XIAP: variants seen among roughly 807,000 people sequenced by gnomAD.
The protein encoded by XIAP is X-linked inhibitor of apoptosis.
Under a neutral mutation model 33.1 loss-of-function variants are expected in XIAP, and 3 were observed. The ratio of observed to expected loss-of-function variants is 0.09; its 90% confidence interval spans 0.04 to 0.23. The LOEUF (loss-of-function observed/expected upper bound fraction) is 0.23. Ranked by LOEUF, XIAP falls within the 10% of genes least tolerant of loss-of-function variation. The probability of loss-of-function intolerance (pLI) is 1.00; values close to 1 mark genes in which losing one functional copy is unlikely to be tolerated. For synonymous variants in XIAP, 98 were observed against 121.3 expected (o/e 0.81, Z 1.26); for missense variants, 264 against 363.0 (o/e 0.73, Z 2.22).
chrX:123,864,818 T>TGTGTG (rs2053118361), intron 1 of XIAP, among the ~76,000 whole-genome samples: 1 of 54,476 alleles, frequency 1.8e-5, no homozygotes, highest in Non-Finnish European at 3.2e-5. Flanking sequence ...GTGTGTGTGT[T>TGTGTG]TTAGTAAAGA....
At chrX:123,903,643 GTT>G (rs1158342686) in intron 6 of XIAP, among the ~76,000 whole-genome samples, 1 of 38,422 alleles carries the variant, frequency 2.6e-5, no homozygotes, top group African/African-American at 1.0e-4. Flanking sequence ...TTTGTTTTTT[GTT>G]TTTTTTAGAT....
At chrX:123,872,805 A>G (rs2053206607) in intron 1 of XIAP, 2 of 111,557 alleles carry the variant, frequency 1.8e-5, no homozygotes, top group Middle Eastern at 4.6e-3. Context: ...TTTCTGGCCA[A>G]CCACCATGGA....
intron 1 of XIAP, among the ~76,000 whole-genome samples, chrX:123,868,772 A>C (rs761399982): frequency 3.6e-5 from 4 of 111,819 alleles, no homozygotes; most frequent in African/African-American, 9.7e-5. Flanking sequence ...TTTATGGATT[A>C]TATATTTTAT....
chrX:123,893,289 G>A (rs898184927), intron 5 of XIAP, among the ~76,000 whole-genome samples: 4 of 108,482 alleles, frequency 3.7e-5, no homozygotes, highest in Non-Finnish European at 5.7e-5. Flanking sequence ...GGAGACCGAG[G>A]CAGGCCAATC....
chrX:123,880,174 A>AGGCCGAG (rs779265293), intron 1 of XIAP, among the ~76,000 whole-genome samples: 1,224 of 109,647 alleles, frequency 0.011, 6 homozygotes, highest in Non-Finnish European at 0.017. Flanking sequence ...GCACTTTGGG[A>AGGCCGAG]GGCCGAGGCG....
In XIAP at chrX:123,909,533, TTA is replaced by T; in HGVS notation, c.*2353_*2354del. 1 of 327,079 alleles carries T rather than the reference TTA, an allele frequency of 3.1e-6. No homozygotes were observed. 27.0% of individuals were successfully genotyped at this position (327,079 alleles called of 1,213,427 possible). ...CAAGGGGAGAAAAGTGTTAAAATTT[TTA>T]AAATATGTTTTCCAGGACACTTCAC... On this transcript the variant is annotated 3_prime_UTR_variant, in exon 7 of 7. Transcript: ENST00000371199.
At position 123,863,572 on chromosome X, in the gene XIAP, C is replaced by T. The variant is rs182034312; in HGVS notation, c.-33+3279C>T. 1.9e-3 allele frequency among the ~76,000 whole-genome samples: 211 copies of T among 111,448 alleles called. 1 individual carries two copies. Among genetic ancestry groups the T allele is most frequent in the Non-Finnish European group, 2.9e-3 (156 of 53,011 alleles). On this transcript the variant is annotated intron_variant, in intron 1 of 6. Coordinates refer to ENST00000371199, the MANE Select transcript of XIAP (RefSeq NM_001167.4). ...TTGCCCAGGCTGGAGTGCAATGGTG[C>T]GATCTCGGCTCACCTCAACCTCTGC...
chrX:123,902,466 A>T (rs1353998643), intron 6 of XIAP, among the ~76,000 whole-genome samples: 2 of 111,851 alleles, frequency 1.8e-5, no homozygotes, highest in Admixed American at 1.9e-4. Context: ...TTTTATATAA[A>T]ATAAGGATGG....
At chrX:123,885,198 TA>T (rs1283576726) in intron 1 of XIAP, among the ~76,000 whole-genome samples, 1 of 112,055 alleles carries the variant, frequency 8.9e-6, no homozygotes, top group African/African-American at 3.2e-5. Context: ...GAACATTTTT[TA>T]ACTTGTAAAA....
At chrX:123,884,858 A>G (rs2053336942) in intron 1 of XIAP, among the ~76,000 whole-genome samples, 1 of 110,786 alleles carries the variant, frequency 9.0e-6, no homozygotes, top group African/African-American at 3.3e-5. Flanking sequence ...GACTGCAGCA[A>G]TACTTATCTT....
intron 3 of XIAP, among the ~76,000 whole-genome samples, chrX:123,890,327 A>G (rs2053395542): frequency 9.4e-6 from 1 of 106,294 alleles, no homozygotes; most frequent in South Asian, 4.3e-4. Flanking sequence ...AGTTGTTCAC[A>G]TTTTAAGATC....
At chrX:123,876,430 A>G (rs1336483692) in intron 1 of XIAP, among the ~76,000 whole-genome samples, 5 of 111,371 alleles carry the variant, frequency 4.5e-5, no homozygotes, top group African/African-American at 1.6e-4. Flanking sequence ...CTAGTCAAAC[A>G]CAGTGGTTCA....
chrX:123,896,192 G>A (rs748954156), intron 5 of XIAP, among the ~76,000 whole-genome samples: 3 of 110,388 alleles, frequency 2.7e-5, no homozygotes, highest in South Asian at 7.6e-4. Context: ...TCAGTCTTCC[G>A]GGTAGCTGGG....
chrX:123,891,282 A>G lies in XIAP; in HGVS notation c.1022A>G (p.Asn341Ser). The change falls in exon 4 of 7, where the codon AAT (asparagine) becomes AGT (serine). Residue 341 changes from asparagine (N) to serine (S), a missense_variant. Physicochemically the swap from Asn to Ser is conservative, Grantham distance 46 (BLOSUM62 1). Coordinates refer to ENST00000371199, the MANE Select transcript of XIAP (RefSeq NM_001167.4). ...CAGAAGGGACAAGAATATATAAACA[A>G]TATTCATTTAACTCATTCACTTGAG... Reference protein sequence around the residue: ...LEQKGQEYINNIHLTHSLEEC... With the variant: ...LEQKGQEYINSIHLTHSLEEC... 1 of 1,112,722 alleles carries G rather than the reference A, an allele frequency of 9.0e-7. No homozygotes were observed. 91.7% of individuals were successfully genotyped at this position (1,112,722 alleles called of 1,213,427 possible).
At chrX:123,874,096 C>A (rs2053220415) in intron 1 of XIAP, among the ~76,000 whole-genome samples, 1 of 111,610 alleles carries the variant, frequency 9.0e-6, no homozygotes, top group Admixed American at 9.7e-5. Flanking sequence ...CAAAACTTTG[C>A]ATTACCAGGC....
At chrX:123,860,369 C>A (rs2053067541) in intron 1 of XIAP, 76 bp downstream of exon 1, 37 of 312,520 alleles carry the variant, frequency 1.2e-4, no homozygotes, top group South Asian at 1.0e-3. Context: ...TCTTCTTTTC[C>A]CCTCCACTTC....
intron 2 of XIAP, among the ~76,000 whole-genome samples, chrX:123,888,257 C>G (rs769169471): frequency 2.1e-4 from 23 of 111,565 alleles, no homozygotes; most frequent in African/African-American, 7.1e-4. Flanking sequence ...ATCGCTTGAA[C>G]TCAGGAGGCA....
chrX:123,859,983 G>T, upstream of XIAP: 1 of 297,068 alleles, frequency 3.4e-6, no homozygotes, highest in Non-Finnish European at 6.6e-6. Flanking sequence ...CCGGGGGTGG[G>T]AGGGACACGC....
chrX:123,900,035 C>T (rs184614910), intron 5 of XIAP, among the ~76,000 whole-genome samples: 31 of 111,811 alleles, frequency 2.8e-4, no homozygotes, highest in South Asian at 1.5e-3. Context: ...GCTACAGAAA[C>T]GAAGTTTGAG....
Sources: allele counts gnomAD v4.1 joint callset (sites outside exome capture counted in the v4.1 genomes callset), GRCh38; gene constraint gnomAD v4.1.1; transcripts MANE v1.5; gene names NCBI Gene and HGNC (gene_info 2026-07-23, HGNC 2026-07-21).